The following PANK2 variants were observed in gnomAD, a reference collection of about 807,000 sequenced individuals.
The protein encoded by PANK2 is pantothenate kinase 2, also known as pantothenate kinase 2, mitochondrial.
PANK2 carries 36 observed loss-of-function variants against 43.1 expected under a neutral mutation model. The observed-to-expected ratio is 0.84, with a 90% CI of 0.64 to 1.10. PANK2 has a LOEUF of 1.10. Among genes scored for constraint, PANK2 ranks in the 50% least tolerant of loss-of-function variants. The pLI is 0.00. For missense variants in PANK2, 576 were observed against 593.3 expected, an observed-to-expected ratio of 0.97 and a Z score of 0.30; for synonymous variants, 281 against 238.2, an observed-to-expected ratio of 1.18 and a Z score of -1.66.
chr20:3,892,323 G>A (rs1331502398), intron 1 of PANK2, among the ~76,000 whole-genome samples: 2 of 139,294 alleles, frequency 1.4e-5, no homozygotes, highest in African/African-American at 5.4e-5. Flanking sequence ...CAGCCTGTAT[G>A]ATACAGTGAG....
At chr20:3,899,113 A>T (rs931013076) in intron 1 of PANK2, among the ~76,000 whole-genome samples, 8 of 150,924 alleles carry the variant, frequency 5.3e-5, no homozygotes, top group African/African-American at 1.5e-4. Flanking sequence ...TGACCCCGTG[A>T]TCCACCTGCC....
At position 3,923,662 on chromosome 20, in the gene PANK2, G is replaced by A; in HGVS notation, c.*368G>A. 5.9e-6 allele frequency: 2 copies of A among 337,582 alleles called. No homozygotes were observed. The highest frequency in any genetic ancestry group is 6.8e-5 in the South Asian group (2 of 29,234). The allele number at this position is 337,582 out of a possible 1,614,324, so 20.9% of individuals were successfully genotyped here. A position where few individuals can be genotyped will look rare whatever the true frequency, so the allele number is the denominator to read the frequency against. ...TCCTGTTTGAACTTGCTGAATGTAA[G>A]GCAGGCTACTATGCGTTATAATCTA... On this transcript the variant is annotated 3_prime_UTR_variant, in exon 7 of 7. Transcript: ENST00000610179.
intron 1 of PANK2, among the ~76,000 whole-genome samples, chr20:3,894,038 T>C (rs1012783312): frequency 3.3e-5 from 5 of 150,676 alleles, no homozygotes; most frequent in Non-Finnish European, 7.4e-5. Flanking sequence ...TTCAAGCAAT[T>C]CTCCTGCCTC....
chr20:3,895,566 C>G (rs2090194405), intron 1 of PANK2, among the ~76,000 whole-genome samples: 1 of 147,076 alleles, frequency 6.8e-6, no homozygotes, highest in African/African-American at 2.5e-5. Context: ...TGTAGAGCAT[C>G]AGGCAATGAA....
chr20:3,898,211 A>G lies in PANK2; in HGVS notation c.298+8483A>G, dbSNP rs2090241883. ...GATTCCATTTTTTATTTTATTATTT[A>G]TTTATTTTGAGATGGAGTCTTTCTG... On this transcript the variant is annotated intron_variant, in intron 1 of 6. Coordinates refer to ENST00000610179, the MANE Select transcript of PANK2 (RefSeq NM_001386393.1). 2.7e-5 allele frequency among the ~76,000 whole-genome samples: 4 copies of G among 150,386 alleles called. No homozygotes were observed. In the South Asian group the frequency reaches 8.5e-4, roughly 32 times the overall value.
In PANK2 at chr20:3,927,058, A is replaced by C. The variant is rs1303011029; in HGVS notation, c.*3764A>C. Reference sequence around the variant, plus strand: ...GAGCTCAGGGAGGCCAGGGGGCTTCAGACTCCACTGTACTCTGCATTCCAG... The same window carrying C: ...GAGCTCAGGGAGGCCAGGGGGCTTCCGACTCCACTGTACTCTGCATTCCAG... On this transcript the variant is annotated 3_prime_UTR_variant, in exon 7 of 7. Coordinates refer to ENST00000610179, the MANE Select transcript of PANK2 (RefSeq NM_001386393.1). 6.6e-6 allele frequency: 1 copy of C among 152,494 alleles called. No homozygotes were observed. The highest frequency in any genetic ancestry group is 2.4e-5 in the African/African-American group (1 of 41,372). 9.4% of individuals were successfully genotyped at this position (152,494 alleles called of 1,614,324 possible). A position where few individuals can be genotyped will look rare whatever the true frequency, so the allele number is the denominator to read the frequency against.
chr20:3,912,191 C>T (rs2090478189), intron 3 of PANK2, among the ~76,000 whole-genome samples: 1 of 152,080 alleles, frequency 6.6e-6, no homozygotes, highest in Admixed American at 6.6e-5. Flanking sequence ...GGCTAATTTG[C>T]ACCTGAGGCT....
chr20:3,891,633 T>G (rs532663228), intron 1 of PANK2, among the ~76,000 whole-genome samples: 50 of 152,306 alleles, frequency 3.3e-4, no homozygotes, highest in African/African-American at 9.9e-4. Context: ...AAGACTGACT[T>G]ACTTGAGGCG....
chr20:3,892,103 A>G (rs1028634937), intron 1 of PANK2, among the ~76,000 whole-genome samples: 1 of 152,194 alleles, frequency 6.6e-6, no homozygotes, highest in African/African-American at 2.4e-5. Flanking sequence ...TGGGAGGCCA[A>G]GGCGGGTGGA....
rs2146867521 is a variant in PANK2, at chr20:3,910,798, C to T, written c.873C>T (p.Ser291=). Residue 291 remains serine, a synonymous_variant, in exon 3 of 7, where the codon TCC becomes TCT. Transcript: ENST00000610179. The stretch of plus-strand genomic sequence containing the variant: ...GGGTTAGCATCTTAGCAGTATATTC[C>T]AAAGATAATTACAAACGGGTCACAG... 6.2e-7 allele frequency: 1 copy of T among 1,614,030 alleles called. No homozygotes were observed. The highest frequency in any genetic ancestry group is 8.5e-7 in the Non-Finnish European group (1 of 1,180,004).
chr20:3,911,107 T>C (rs2090461984), intron 3 of PANK2, among the ~76,000 whole-genome samples: 1 of 152,190 alleles, frequency 6.6e-6, no homozygotes, highest in South Asian at 2.1e-4. Flanking sequence ...ATACACAAAG[T>C]AGCTAAAGTT....
Position 3,912,593 on chromosome 20 carries a change from C to T in PANK2, c.1041C>T (p.Asp347=). The T allele has an allele frequency of 6.2e-7, 1 of 1,613,956 alleles. No individual in the cohort carries two copies. Among genetic ancestry groups the T allele is most frequent in the Non-Finnish European group, 8.5e-7 (1 of 1,180,008 alleles). Residue 347 remains aspartate, a synonymous_variant, in exon 4 of 7, where the codon GAC becomes GAT. Transcript: ENST00000610179. ...TAGTACGAGATATTTATGGAGGGGACTATGAGAGGTTTGGACTGCCAGGCT... is the reference window on the plus strand; with the variant it reads ...TAGTACGAGATATTTATGGAGGGGATTATGAGAGGTTTGGACTGCCAGGCT...
At chr20:3,888,943 A>G, upstream of PANK2, 1 of 576,052 alleles carries the variant, frequency 1.7e-6, no homozygotes, top group Non-Finnish European at 3.0e-6. Flanking sequence ...GCCGACGACC[A>G]GCGGCCAGAC....
chr20:3,914,973 G>A (rs2090534981), intron 4 of PANK2, among the ~76,000 whole-genome samples: 1 of 152,178 alleles, frequency 6.6e-6, no homozygotes, highest in Non-Finnish European at 1.5e-5. Context: ...GTCTGCTGAA[G>A]TCTATTGCTA....
chr20:3,889,932 G>T (rs1330133587), intron 1 of PANK2: 1 of 1,530,944 alleles, frequency 6.5e-7, no homozygotes. Flanking sequence ...CGCACCCATT[G>T]GTATGCACTT....
chr20:3,919,009 C>A (rs2090607031), intron 6 of PANK2, among the ~76,000 whole-genome samples: 1 of 152,178 alleles, frequency 6.6e-6, no homozygotes, highest in Non-Finnish European at 1.5e-5. Flanking sequence ...TGGGTTCAAG[C>A]AGTCCTCCCA....
intron 6 of PANK2, among the ~76,000 whole-genome samples, chr20:3,920,515 TCAAAAA>T (rs2090629510): frequency 2.1e-5 from 3 of 142,122 alleles, no homozygotes; most frequent in South Asian, 2.2e-4. Context: ...AGACTCTGTC[TCAAAAA>T]CAAAAACAAA....
chr20:3,899,428 C>A (rs2146835531), intron 1 of PANK2, among the ~76,000 whole-genome samples: 1 of 151,930 alleles, frequency 6.6e-6, no homozygotes, highest in South Asian at 2.1e-4. Flanking sequence ...ATCTTGGCCT[C>A]CCAGAGTGCT....
intron 1 of PANK2, among the ~76,000 whole-genome samples, chr20:3,890,332 A>G (rs2090101208): frequency 6.6e-6 from 1 of 152,178 alleles, no homozygotes; most frequent in Non-Finnish European, 1.5e-5. Context: ...GGTACTCACG[A>G]TTCAGAACTG....
Sources: gnomAD v4.1 joint callset for allele counts (sites outside exome capture counted in the v4.1 genomes callset) on GRCh38, gnomAD v4.1.1 for gene constraint, MANE v1.5 for transcripts, NCBI Gene and HGNC (gene_info 2026-07-23, HGNC 2026-07-21) for gene names.